The following ESF1 variants were observed in gnomAD, a reference collection of about 807,000 sequenced individuals.
ESF1 encodes the protein ESF1 homolog.
Under a neutral mutation model 92.0 loss-of-function variants are expected in ESF1, and 58 were observed. That is an observed-to-expected ratio of 0.63 (90% CI 0.51 to 0.78). The LOEUF is 0.78. Among genes scored for constraint, ESF1 ranks in the 30% least tolerant of loss-of-function variants. The pLI is 0.00. For missense variants in ESF1, 922 were observed against 989.1 expected, an observed-to-expected ratio of 0.93 and a Z score of 0.91; for synonymous variants, 321 against 313.7, an observed-to-expected ratio of 1.02 and a Z score of -0.24.
At chr20:13,745,713 A>C (rs983544469) in intron 9 of ESF1, among the ~76,000 whole-genome samples, 1 of 152,122 alleles carries the variant, frequency 6.6e-6, no homozygotes, top group African/African-American at 2.4e-5. Context: ...CAGCCTCCCA[A>C]AGTGCTGGGA....
intron 13 of ESF1, 56 bp downstream of exon 13, chr20:13,717,312 G>A (rs1379084732): frequency 6.3e-7 from 1 of 1,593,282 alleles, no homozygotes; most frequent in Non-Finnish European, 8.6e-7. Context: ...TATCTGCAGA[G>A]CTGACTTTAG....
In ESF1 at chr20:13,719,967, C is replaced by T. The variant is rs145099274; in HGVS notation, c.2039-983G>A. On this transcript the variant is annotated intron_variant, in intron 11 of 13. Coordinates refer to ENST00000617257, the MANE Select transcript of ESF1 (RefSeq NM_001276380.2). ...TAGCTCTATTACCAGGCAATACCACCAGGTAAAGTGGTTCCTGACTGGAAA... is the reference window on the plus strand; with the variant it reads ...TAGCTCTATTACCAGGCAATACCACTAGGTAAAGTGGTTCCTGACTGGAAA... Among the ~76,000 whole-genome samples the T allele has an allele frequency of 1.1e-4, 16 of 152,242 alleles. No individual in the cohort carries two copies. The East Asian group carries it at 2.9e-3, about 28-fold the overall frequency.
At position 13,748,823 on chromosome 20, in the gene ESF1, G is replaced by A. The variant is rs528155048; in HGVS notation, c.1828+10869C>T. ...AGGATGGTCTCGATCTCCTGACCTC[G>A]TGATCCGCCCACCTCAGCCTCCCAA... On this transcript the variant is annotated intron_variant, in intron 9 of 13. Transcript: ENST00000617257. 6.0e-4 allele frequency among the ~76,000 whole-genome samples: 91 copies of A among 151,732 alleles called. 1 individual carries two copies. The South Asian group carries it at 0.017, about 29-fold the overall frequency.
intron 11 of ESF1, among the ~76,000 whole-genome samples, chr20:13,721,911 T>C (rs1390836235): frequency 6.6e-6 from 1 of 152,200 alleles, no homozygotes; most frequent in African/African-American, 2.4e-5. Flanking sequence ...TCTGTCTTAA[T>C]GTATGTGTAT....
intron 9 of ESF1, among the ~76,000 whole-genome samples, chr20:13,757,225 T>C (rs1978938349): frequency 6.6e-6 from 1 of 152,168 alleles, no homozygotes; most frequent in Non-Finnish European, 1.5e-5. Flanking sequence ...TTGCCACAAG[T>C]ACAAATATTT....
At position 13,772,385 on chromosome 20, in the gene ESF1, T is replaced by C. The variant is rs532957222; in HGVS notation, c.1250+130A>G. 6.4e-6 allele frequency: 4 copies of C among 629,642 alleles called. No individual in the cohort carries two copies. The South Asian group carries it at 8.9e-5, about 14-fold the overall frequency. 39.0% of individuals were successfully genotyped at this position (629,642 alleles called of 1,614,324 possible). On this transcript the variant is annotated intron_variant, in intron 5 of 13. Coordinates refer to ENST00000617257, the MANE Select transcript of ESF1 (RefSeq NM_001276380.2). ...CCACTTTTAACAGACTTTAAATCTG[T>C]TTTGCAACCTGTTTTAACCACGAAT...
chr20:13,716,835 T>A (rs1481208893), intron 13 of ESF1, among the ~76,000 whole-genome samples: 2 of 90,820 alleles, frequency 2.2e-5, no homozygotes, highest in Non-Finnish European at 4.5e-5. Context: ...TTTTTTTTTT[T>A]TAGACAGAGT....
chr20:13,743,977 C>A (rs1264036120), intron 9 of ESF1, among the ~76,000 whole-genome samples: 2 of 152,170 alleles, frequency 1.3e-5, no homozygotes, highest in Admixed American at 6.5e-5. Context: ...ATAATGGTTT[C>A]CTCAAGTATG....
At chr20:13,721,125 TA>T (rs954446374) in intron 11 of ESF1, among the ~76,000 whole-genome samples, 10 of 150,782 alleles carry the variant, frequency 6.6e-5, no homozygotes, top group African/African-American at 2.2e-4. Context: ...TCTGTCTCGA[TA>T]AAAAAAAAGA....
rs1200269352 is a variant in ESF1 at position 13,782,674 on chromosome 20, T to A, written c.467A>T (p.Lys156Met). ...FKIDSNISPKKDSKEFTQKNK... is the reference protein window; with the variant it reads ...FKIDSNISPKMDSKEFTQKNK... Reference sequence around the variant, plus strand: ...TTTTTGTGTAAATTCTTTGCTATCCTTCTTCGGACTTATGTTTGAATCTAT... The same window carrying A: ...TTTTTGTGTAAATTCTTTGCTATCCATCTTCGGACTTATGTTTGAATCTAT... Residue 156 changes from lysine to methionine, a missense_variant, in exon 2 of 14, where the codon AAG (lysine) becomes ATG (methionine). By Grantham distance (95) the Lys-to-Met change is moderately conservative (BLOSUM62 -1). Transcript: ENST00000617257. 6.3e-7 allele frequency: 1 copy of A among 1,599,946 alleles called. No homozygotes were observed. The highest frequency in any genetic ancestry group is 1.8e-5 in the Admixed American group (1 of 57,052).
intron 4 of ESF1, among the ~76,000 whole-genome samples, chr20:13,773,377 G>C (rs745393451): frequency 3.9e-5 from 6 of 152,104 alleles, no homozygotes; most frequent in Non-Finnish European, 8.8e-5. Flanking sequence ...TATATATGTA[G>C]TCACATCTTT....
At chr20:13,767,034 A>C in intron 7 of ESF1, 110 bp from the exon 8 acceptor site, 1 of 1,010,530 alleles carries the variant, frequency 9.9e-7, no homozygotes, top group East Asian at 2.4e-5. Context: ...GTTAAAAGTT[A>C]AGACACATTA....
intron 2 of ESF1, among the ~76,000 whole-genome samples, chr20:13,776,593 A>C (rs1479017554): frequency 6.6e-6 from 1 of 152,212 alleles, no homozygotes; most frequent in Non-Finnish European, 1.5e-5. Flanking sequence ...AATATACAAC[A>C]GTTGGTAAAA....
intron 9 of ESF1, among the ~76,000 whole-genome samples, chr20:13,753,916 G>A (rs1978756087): frequency 6.6e-6 from 1 of 152,134 alleles, no homozygotes; most frequent in South Asian, 2.1e-4. Flanking sequence ...TGGACCACTA[G>A]GCATAAGTTA....
At chr20:13,724,974 A>T (rs1600266198) in intron 11 of ESF1, among the ~76,000 whole-genome samples, 1 of 152,120 alleles carries the variant, frequency 6.6e-6, no homozygotes, top group African/African-American at 2.4e-5. Flanking sequence ...CTCTTGCCAC[A>T]TGTTCTATGG....
At chr20:13,762,907 C>G (rs1290460199) in intron 8 of ESF1, 1 of 273,060 alleles carries the variant, frequency 3.7e-6, no homozygotes, top group African/African-American at 2.8e-5. Flanking sequence ...GTTGCCCAGG[C>G]TGGAGTGCAG....
chr20:13,755,828 T>C (rs1187127560), intron 9 of ESF1, among the ~76,000 whole-genome samples: 1 of 152,208 alleles, frequency 6.6e-6, no homozygotes, highest in Non-Finnish European at 1.5e-5. Flanking sequence ...CTATACTGTA[T>C]AACCCAATGT....
At chr20:13,717,039 G>C (rs1011449507) in intron 13 of ESF1, among the ~76,000 whole-genome samples, 2 of 151,760 alleles carry the variant, frequency 1.3e-5, no homozygotes, top group African/African-American at 4.8e-5. Context: ...GGATGGTCTT[G>C]ACCTCCTGAC....
chr20:13,730,674 G>T (rs182080359), intron 10 of ESF1, among the ~76,000 whole-genome samples: 3 of 151,176 alleles, frequency 2.0e-5, no homozygotes, highest in Non-Finnish European at 4.4e-5. Flanking sequence ...ATGAGCCACC[G>T]CACCCAGCCA....
Sources: allele counts gnomAD v4.1 joint callset (sites outside exome capture counted in the v4.1 genomes callset), GRCh38; gene constraint gnomAD v4.1.1; transcripts MANE v1.5; gene names NCBI Gene and HGNC (gene_info 2026-07-23, HGNC 2026-07-21).